The following ITPR2 variants were observed in gnomAD, a reference collection of about 807,000 sequenced individuals.
ITPR2 encodes the protein inositol 1,4,5-trisphosphate-gated calcium channel ITPR2.
In ITPR2, 207 loss-of-function variants were observed where a neutral mutation model predicts 317.1. That is an observed-to-expected ratio of 0.65 (90% CI 0.58 to 0.73). The LOEUF is 0.73. Ranked by LOEUF, ITPR2 falls within the 30% of genes least tolerant of loss-of-function variation. ITPR2 has a pLI of 0.00. For synonymous variants in ITPR2, 1,156 were observed against 1,149.1 expected (o/e 1.01, Z -0.12); for missense variants, 2,613 against 3,284.0 (o/e 0.80, Z 4.99).
In ITPR2 at chr12:26,831,032, C is replaced by A. The variant is rs1199053650; in HGVS notation, c.92+1658G>T. On this transcript the variant is annotated intron_variant, in intron 1 of 56. Transcript: ENST00000381340. This position sits in a 1 kb window ranked among gnomAD's most constrained non-coding sequence, Gnocchi z 4.9. ...CGCCAGAATTCAAACCCCAAGTATT[C>A]TGTCCATGGAACCCCCTCTGCTTAA... is the stretch of plus-strand genomic sequence containing the variant. Among the ~76,000 whole-genome samples, 1 of 152,200 alleles carries A rather than the reference C, an allele frequency of 6.6e-6. No homozygotes were observed. The highest frequency in any genetic ancestry group is 2.4e-5 in the African/African-American group (1 of 41,454).
intron 39 of ITPR2, among the ~76,000 whole-genome samples, chr12:26,489,688 A>C (rs1304570895): frequency 6.6e-6 from 1 of 152,198 alleles, no homozygotes; most frequent in Non-Finnish European, 1.5e-5. Flanking sequence ...TAATATAAGT[A>C]CCTCCTATAC....
intron 55 of ITPR2, among the ~76,000 whole-genome samples, chr12:26,361,644 C>CA: frequency 6.6e-6 from 1 of 152,174 alleles, no homozygotes. Context: ...CCATGAAAAA[C>CA]AGATTATCTA....
rs767218125 is a variant in ITPR2 at position 26,681,894 on chromosome 12, T to G, written c.1389A>C (p.Thr463=). 3.1e-6 allele frequency: 5 copies of G among 1,612,264 alleles called. No homozygotes were observed. The highest frequency in any genetic ancestry group is 4.2e-6 in the Non-Finnish European group (5 of 1,178,616). ...GTTACCTCCTTTCATTCTGAGTTAT[T>G]GTGCCGTTTTCTAGCTTTTTAACTG... is the stretch of plus-strand genomic sequence containing the variant. ...ATTVKKLENG[T]ITQNERRFVT... is the part of the protein sequence containing the mutation. Residue 463 remains threonine (T), a synonymous_variant, in exon 13 of 57, where the codon ACA becomes ACC. Coordinates refer to ENST00000381340, the MANE Select transcript of ITPR2 (RefSeq NM_002223.4).
intron 36 of ITPR2, among the ~76,000 whole-genome samples, chr12:26,551,525 G>A (rs1944524789): frequency 6.6e-6 from 1 of 152,198 alleles, no homozygotes. Flanking sequence ...CAGGGGTCTT[G>A]TGCAGAGTCC....
Position 26,696,842 on chromosome 12 carries a change from C to T in ITPR2, c.952-1192G>A, listed in dbSNP as rs183016406. On this transcript the variant is annotated intron_variant, in intron 9 of 56. Coordinates refer to ENST00000381340, the MANE Select transcript of ITPR2 (RefSeq NM_002223.4). ...AACCTATAGAGAAGAGTTTCTCTAT[C>T]ACTGGCAAGCTGCCATGAAATTACG... 1.3e-3 allele frequency among the ~76,000 whole-genome samples: 203 copies of T among 152,326 alleles called. 1 individual carries two copies. The highest frequency in any genetic ancestry group is 1.7e-3 in the Non-Finnish European group (114 of 68,034).
In ITPR2 at chr12:26,339,499, G is replaced by C; in HGVS notation, c.8020-16C>G. 6.2e-7 allele frequency: 1 copy of C among 1,608,888 alleles called. No homozygotes were observed. The highest frequency in any genetic ancestry group is 8.5e-7 in the Non-Finnish European group (1 of 1,175,544). On this transcript the variant is annotated splice_polypyrimidine_tract_variant and intron_variant, in intron 56 of 56. Transcript: ENST00000381340. The stretch of plus-strand genomic sequence containing the variant: ...GTTCTGTCATCTGGGGGAAAAGAGA[G>C]AGTGTGTGTTCAGCGGATTTTCTCA...
Position 26,714,680 on chromosome 12 carries a change from ATCTCTTGT to A in ITPR2, c.855+611_855+618del, listed in dbSNP as rs1399558234. On this transcript the variant is annotated intron_variant, in intron 8 of 56. Coordinates refer to ENST00000381340, the MANE Select transcript of ITPR2 (RefSeq NM_002223.4). ...CGCTAGTGGTTTAGATGTTTAGTAA[ATCTCTTGT>A]TCATAGGCAATTCTGTAGATCTTAT... Among the ~76,000 whole-genome samples the A allele has an allele frequency of 7.9e-5, 12 of 152,130 alleles. 1 individual carries two copies. Among genetic ancestry groups the A allele is most frequent in the Admixed American group, 7.2e-4 (11 of 15,268 alleles).
chr12:26,495,612 T>A (rs1047352371), intron 37 of ITPR2: 2 of 159,770 alleles, frequency 1.3e-5, no homozygotes, highest in African/African-American at 4.8e-5. Flanking sequence ...CATAACTCAA[T>A]AAAGAGTTTT....
intron 13 of ITPR2, among the ~76,000 whole-genome samples, chr12:26,674,795 C>T (rs1300760831): frequency 1.3e-5 from 2 of 152,110 alleles, no homozygotes; most frequent in Admixed American, 6.5e-5. Flanking sequence ...GCAACCTACT[C>T]ATCTGACAAA....
chr12:26,755,901 C>T (rs1949512919), intron 2 of ITPR2, among the ~76,000 whole-genome samples: 1 of 152,010 alleles, frequency 6.6e-6, no homozygotes, highest in Admixed American at 6.6e-5. Flanking sequence ...TCCAGGAACC[C>T]CAAGTTATCT....
At chr12:26,628,452 G>GT (rs1167764576) in intron 22 of ITPR2, among the ~76,000 whole-genome samples, 1 of 152,220 alleles carries the variant, frequency 6.6e-6, no homozygotes, top group Non-Finnish European at 1.5e-5. Context: ...GGATGAAGAG[G>GT]TAATGATGAC....
chr12:26,359,969 T>C (rs147647433), intron 55 of ITPR2, among the ~76,000 whole-genome samples: 204 of 152,276 alleles, frequency 1.3e-3, no homozygotes, highest in African/African-American at 4.7e-3. Flanking sequence ...CTTTTTAAAA[T>C]TTAAAATGTA....
intron 55 of ITPR2, among the ~76,000 whole-genome samples, chr12:26,371,760 C>T (rs1396304625): frequency 6.6e-6 from 1 of 152,124 alleles, no homozygotes; most frequent in Admixed American, 6.5e-5. Context: ...CACTCTTGGT[C>T]AAATCTTCTT....
chr12:26,734,135 A>G (rs1278130120), intron 2 of ITPR2, among the ~76,000 whole-genome samples: 1 of 152,226 alleles, frequency 6.6e-6, no homozygotes, highest in Non-Finnish European at 1.5e-5. Context: ...TTGAAGTATT[A>G]GTTCTATAAA....
chr12:26,761,912 C>A (rs1949641837), intron 2 of ITPR2, among the ~76,000 whole-genome samples: 1 of 152,108 alleles, frequency 6.6e-6, no homozygotes. Context: ...ATAAAAAGAA[C>A]TAAACAGAAA....
chr12:26,646,468 TG>T (rs1947116817), intron 21 of ITPR2, among the ~76,000 whole-genome samples: 1 of 152,170 alleles, frequency 6.6e-6, no homozygotes, highest in Non-Finnish European at 1.5e-5. Flanking sequence ...AAAATTAAAC[TG>T]CACAAGCAAG....
chr12:26,732,926 T>G (rs2137065262), intron 2 of ITPR2, among the ~76,000 whole-genome samples: 1 of 152,350 alleles, frequency 6.6e-6, no homozygotes, highest in East Asian at 1.9e-4. Flanking sequence ...GTTATCATTT[T>G]TATTACCAAA....
At chr12:26,763,032 G>T (rs995736164) in intron 2 of ITPR2, among the ~76,000 whole-genome samples, 2 of 152,040 alleles carry the variant, frequency 1.3e-5, no homozygotes, top group Non-Finnish European at 2.9e-5. Context: ...AGGATGAATA[G>T]ATTCTAGAGA....
chr12:26,622,270 C>T lies in ITPR2; in HGVS notation c.3258G>A (p.Gln1086=). ...TAAATGCCTGTAAAACCTCTGCCCTCTGGCTGAAGTGCTTAAACAACAGCT... is the reference window on the plus strand; with the variant it reads ...TAAATGCCTGTAAAACCTCTGCCCTTTGGCTGAAGTGCTTAAACAACAGCT... The part of the protein sequence containing the change: ...ALQLLFKHFS[Q]RAEVLQAFKQ... Residue 1086 remains glutamine, a synonymous_variant, in exon 25 of 57, where the codon CAG becomes CAA. Transcript: ENST00000381340. 1 of 1,613,572 alleles carries T rather than the reference C, an allele frequency of 6.2e-7. No homozygotes were observed.
Sources: gnomAD v4.1 joint callset for allele counts (sites outside exome capture counted in the v4.1 genomes callset) on GRCh38, gnomAD v4.1.1 for gene constraint, Gnocchi (gnomAD v3.1) non-coding constraint, MANE v1.5 for transcripts, NCBI Gene and HGNC (gene_info 2026-07-23, HGNC 2026-07-21) for gene names.